PIEZO2: variants seen among roughly 807,000 people sequenced by gnomAD.
The protein encoded by PIEZO2 is piezo type mechanosensitive ion channel component 2.
In PIEZO2, 172 loss-of-function variants were observed where a neutral mutation model predicts 337.3. The observed-to-expected ratio is 0.51, with a 90% CI of 0.45 to 0.58. The LOEUF (loss-of-function observed/expected upper bound fraction) is 0.58, where lower values mean the gene tolerates loss of function less well. Ranked by LOEUF, PIEZO2 falls within the 20% of genes least tolerant of loss-of-function variation. The pLI is 0.00. For missense variants in PIEZO2, 3,028 were observed against 3,391.3 expected, an observed-to-expected ratio of 0.89 and a Z score of 2.66; for synonymous variants, 1,251 against 1,228.5, an observed-to-expected ratio of 1.02 and a Z score of -0.38.
intron 11 of PIEZO2, among the ~76,000 whole-genome samples, chr18:10,798,860 C>T (rs1041215783): frequency 6.6e-6 from 1 of 152,082 alleles, no homozygotes; most frequent in Non-Finnish European, 1.5e-5. Context: ...CTTGAACTTT[C>T]CAGTTTAAGC....
Position 11,097,210 on chromosome 18 carries a change from GA to G in PIEZO2, c.65-30989del, listed in dbSNP as rs933063330. Among the ~76,000 whole-genome samples, 5 of 150,368 alleles carry G rather than the reference GA, an allele frequency of 3.3e-5. No homozygotes were observed. Among genetic ancestry groups the G allele is most frequent in the East Asian group, 1.9e-4 (1 of 5,156 alleles). ...ATGCTTTTTATATGTTTAAATGATT[GA>G]AAAAAAAAGTCAAAAGAAGACTAGA... On this transcript the variant is annotated intron_variant, in intron 1 of 55. Transcript: ENST00000674853. The surrounding 1 kb of genome is among the most constrained non-coding windows in gnomAD (Gnocchi z 5.0).
chr18:10,908,996 T>C (rs746420334), intron 4 of PIEZO2, among the ~76,000 whole-genome samples: 6 of 152,164 alleles, frequency 3.9e-5, no homozygotes, highest in Non-Finnish European at 8.8e-5. Context: ...CTGCTGCCTG[T>C]TTTTGTAAAT....
chr18:10,784,878 C>A lies in PIEZO2; in HGVS notation c.2398G>T (p.Val800Leu). 6.5e-7 allele frequency: 1 copy of A among 1,537,578 alleles called. No homozygotes were observed. Among genetic ancestry groups the A allele is most frequent in the Non-Finnish European group, 8.7e-7 (1 of 1,146,954 alleles). ...RIFIPTSFLL[V>L]CILHLHYFHD... Reference sequence around the variant, plus strand: ...AAGTAGTGCAGGTGTAAAATGCACACCAGCAGAAAGGAGGTTGGGATGAAT... The same window carrying A: ...AAGTAGTGCAGGTGTAAAATGCACAACAGCAGAAAGGAGGTTGGGATGAAT... Residue 800 changes from valine to leucine, a missense_variant, in exon 17 of 56, where the codon GTG becomes TTG. By Grantham distance (32) the Val-to-Leu change is conservative. This residue lies in a region of PIEZO2 where 1,925 missense variants were observed against 2,051.9 expected (regional missense o/e 0.94). Transcript: ENST00000674853. The surrounding 1 kb of genome is among the most constrained non-coding windows in gnomAD (Gnocchi z 4.5).
intron 21 of PIEZO2, among the ~76,000 whole-genome samples, chr18:10,764,484 A>T (rs2038271312): frequency 6.6e-6 from 1 of 152,072 alleles, no homozygotes; most frequent in Admixed American, 6.5e-5. Flanking sequence ...TACTAAAAAT[A>T]CAAAAAATTA....
chr18:10,812,200 T>C lies in PIEZO2; in HGVS notation c.918-4926A>G, dbSNP rs146247745. On this transcript the variant is annotated intron_variant, in intron 7 of 55. Coordinates refer to ENST00000674853, the MANE Select transcript of PIEZO2 (RefSeq NM_001378183.1). Reference sequence around the variant, plus strand: ...GAAACAATGAGACTCAAATATCCAATGGTAACAAAATATGAAGCAAGCCTG... The same window carrying C: ...GAAACAATGAGACTCAAATATCCAACGGTAACAAAATATGAAGCAAGCCTG... 4.3e-4 allele frequency among the ~76,000 whole-genome samples: 65 copies of C among 152,330 alleles called. 1 individual carries two copies. The East Asian group carries it at 0.011, about 27-fold the overall frequency.
chr18:10,749,970 C>G (rs1173213709), intron 29 of PIEZO2, 121 bp downstream of exon 29: 1 of 684,206 alleles, frequency 1.5e-6, no homozygotes, highest in Non-Finnish European at 2.5e-6. Context: ...CAGCCTCCAT[C>G]TGGAGAAAAC....
In PIEZO2 at chr18:11,047,641, A is replaced by C. The variant is rs182585828; in HGVS notation, c.160+18486T>G. Among the ~76,000 whole-genome samples the C allele has an allele frequency of 1.4e-4, 21 of 152,246 alleles. No homozygotes were observed. In the East Asian group the frequency reaches 4.1e-3, roughly 29 times the overall value. On this transcript the variant is annotated intron_variant, in intron 2 of 55. Transcript: ENST00000674853. This position sits in a 1 kb window ranked among gnomAD's most constrained non-coding sequence, Gnocchi z 7.2. ...CACTCCAGGCAATAGGGAGAATCGAAGTCTTGGTCCTAAGGAGGAGGGCAC... is the reference window on the plus strand; with the variant it reads ...CACTCCAGGCAATAGGGAGAATCGACGTCTTGGTCCTAAGGAGGAGGGCAC...
At position 11,035,719 on chromosome 18, in the gene PIEZO2, T is replaced by A. The variant is rs2036904939; in HGVS notation, c.160+30408A>T. 1.3e-5 allele frequency among the ~76,000 whole-genome samples: 2 copies of A among 152,204 alleles called. No homozygotes were observed. The highest frequency in any genetic ancestry group is 4.8e-5 in the African/African-American group (2 of 41,440). ...AGAGGGTTGGAAAGTGTGATTATGA[T>A]GATGAAATTATTATTCCACAAAACT... On this transcript the variant is annotated intron_variant, in intron 2 of 55. Coordinates refer to ENST00000674853, the MANE Select transcript of PIEZO2 (RefSeq NM_001378183.1). The surrounding 1 kb of genome is among the most constrained non-coding windows in gnomAD (Gnocchi z 4.3).
At chr18:10,936,205 T>C (rs533579672) in intron 3 of PIEZO2, among the ~76,000 whole-genome samples, 69 of 152,292 alleles carry the variant, frequency 4.5e-4, no homozygotes, top group Non-Finnish European at 7.8e-4. Context: ...CATGAATGCC[T>C]CTCCTTGGGG....
chr18:10,905,904 C>T (rs1179292023), intron 4 of PIEZO2, among the ~76,000 whole-genome samples: 3 of 152,188 alleles, frequency 2.0e-5, no homozygotes, highest in African/African-American at 4.8e-5. Flanking sequence ...GAGTCTCCTC[C>T]TTACATGTTC....
At chr18:10,780,234 A>G in intron 18 of PIEZO2, 91 bp downstream of exon 18, 2 of 689,416 alleles carry the variant, frequency 2.9e-6, no homozygotes, top group South Asian at 3.0e-5. Context: ...CTATCTGACA[A>G]CACGATTTTC....
intron 1 of PIEZO2, among the ~76,000 whole-genome samples, chr18:11,073,895 G>A (rs2038432610): frequency 6.7e-6 from 1 of 148,196 alleles, no homozygotes; most frequent in African/African-American, 2.5e-5. Context: ...CGCCCAGGCT[G>A]GAGTGCAGTG....
rs1239252284 is a variant in PIEZO2, at chr18:10,815,436, G to C, written c.918-8162C>G. Among the ~76,000 whole-genome samples, 1 of 152,172 alleles carries C rather than the reference G, an allele frequency of 6.6e-6. No homozygotes were observed. Among genetic ancestry groups the C allele is most frequent in the African/African-American group, 2.4e-5 (1 of 41,426 alleles). On this transcript the variant is annotated intron_variant, in intron 7 of 55. Coordinates refer to ENST00000674853, the MANE Select transcript of PIEZO2 (RefSeq NM_001378183.1). This position sits in a 1 kb window ranked among gnomAD's most constrained non-coding sequence, Gnocchi z 4.1. ...AGGCTAGTAAATAACGTATCTCAAA[G>C]AGGTAATGTGAAGACCAGAAATGAT... is the stretch of plus-strand genomic sequence containing the variant.
rs2042998774 is a variant in PIEZO2, at chr18:10,899,846, T to A, written c.329+11340A>T. 6.6e-6 allele frequency among the ~76,000 whole-genome samples: 1 copy of A among 152,204 alleles called. No homozygotes were observed. The highest frequency in any genetic ancestry group is 6.5e-5 in the Admixed American group (1 of 15,274). ...AACAGTCAAGGTAATGACCTGGGAA[T>A]TCAGTTTTTTAGTTCAAGAATGCAC... is the stretch of plus-strand genomic sequence containing the variant. On this transcript the variant is annotated intron_variant, in intron 4 of 55. Coordinates refer to ENST00000674853, the MANE Select transcript of PIEZO2 (RefSeq NM_001378183.1). This position sits in a 1 kb window ranked among gnomAD's most constrained non-coding sequence, Gnocchi z 4.6.
At chr18:10,920,326 A>G (rs868011391) in intron 3 of PIEZO2, among the ~76,000 whole-genome samples, 72 of 152,290 alleles carry the variant, frequency 4.7e-4, no homozygotes, top group African/African-American at 1.5e-3. Context: ...CAACCCCCAC[A>G]GCCCAGTGTC....
chr18:10,696,330 C>A, intron 46 of PIEZO2, 42 bp from the exon 47 acceptor site: 1 of 1,613,842 alleles, frequency 6.2e-7, no homozygotes, highest in Non-Finnish European at 8.5e-7. Context: ...AGAGGCAATT[C>A]ATGGCAGGAA....
chr18:11,053,630 C>T (rs557957249), intron 2 of PIEZO2, among the ~76,000 whole-genome samples: 2 of 152,272 alleles, frequency 1.3e-5, no homozygotes, highest in East Asian at 3.9e-4. Flanking sequence ...TTCCATATTG[C>T]ATCTGTTTCA....
rs2042170874 is a variant in PIEZO2 at position 10,872,812 on chromosome 18, GA to G, written c.330-1398del. On this transcript the variant is annotated intron_variant, in intron 4 of 55. Transcript: ENST00000674853. This position sits in a 1 kb window ranked among gnomAD's most constrained non-coding sequence, Gnocchi z 4.3. Reference sequence around the variant, plus strand: ...TAATGAAATGACTAGGTGATATGAAGAAAAAGTTATACAGACTTAGGTTTAC... The same window carrying G: ...TAATGAAATGACTAGGTGATATGAAGAAAAGTTATACAGACTTAGGTTTAC... 6.6e-6 allele frequency among the ~76,000 whole-genome samples: 1 copy of G among 152,146 alleles called. No homozygotes were observed. The highest frequency in any genetic ancestry group is 6.5e-5 in the Admixed American group (1 of 15,280).
Position 10,987,705 on chromosome 18 carries a change from AATTTAACG to A in PIEZO2, c.161-8053_161-8046del, listed in dbSNP as rs537031359. On this transcript the variant is annotated intron_variant, in intron 2 of 55. Coordinates refer to ENST00000674853, the MANE Select transcript of PIEZO2 (RefSeq NM_001378183.1). ...AGCAAAAATAAGTGTAATTACATGAAATTTAACGACTTCTGCACAGCAAAAGAAACAAT... is the reference window on the plus strand; with the variant it reads ...AGCAAAAATAAGTGTAATTACATGAAACTTCTGCACAGCAAAAGAAACAAT... 7.1e-4 allele frequency among the ~76,000 whole-genome samples: 108 copies of A among 152,240 alleles called. 2 individuals carry two copies. The highest frequency in any genetic ancestry group is 2.6e-3 in the African/African-American group (107 of 41,548).
Sources: gnomAD v4.1 joint callset for allele counts (sites outside exome capture counted in the v4.1 genomes callset) on GRCh38, gnomAD v4.1.1 for gene constraint, gnomAD v4.1.1 regional missense constraint, Gnocchi (gnomAD v3.1) non-coding constraint, MANE v1.5 for transcripts, NCBI Gene and HGNC (gene_info 2026-07-23, HGNC 2026-07-21) for gene names.